DIXDC1: variants seen among roughly 807,000 people sequenced by gnomAD.
DIXDC1 encodes DIX domain containing 1.
DIXDC1 carries 64 observed loss-of-function variants against 103.1 expected under a neutral mutation model. The observed-to-expected ratio is 0.62, with a 90% CI of 0.51 to 0.76. The LOEUF is 0.76. Among genes scored for constraint, DIXDC1 ranks in the 30% least tolerant of loss-of-function variants. DIXDC1 has a pLI of 0.00. For missense variants in DIXDC1, 759 were observed against 834.2 expected (o/e 0.91, Z 1.11); for synonymous variants, 266 against 298.5 (o/e 0.89, Z 1.12).
intron 7 of DIXDC1, among the ~76,000 whole-genome samples, chr11:111,983,457 G>A (rs781789329): frequency 1.3e-5 from 2 of 152,136 alleles, no homozygotes; most frequent in Non-Finnish European, 1.5e-5. Context: ...AAAGTTGTTG[G>A]TTTTCCTTCA....
intron 17 of DIXDC1, among the ~76,000 whole-genome samples, chr11:112,010,083 C>CCTT (rs202204694): frequency 0.5 from 76,402 of 151,626 alleles, 21,574 homozygotes; most frequent in African/African-American, 0.78. Context: ...CCCAAAATCT[C>CCTT]AAGCTGATAA....
In DIXDC1 at chr11:111,982,479, G is replaced by A; in HGVS notation, c.910G>A (p.Gly304Arg). 2 of 1,613,098 alleles carry A rather than the reference G, an allele frequency of 1.2e-6. No individual in the cohort carries two copies. The highest frequency in any genetic ancestry group is 1.7e-6 in the Non-Finnish European group (2 of 1,179,522). ...GGAGGAAGCAAAGAAAATGATATCAGGACTACAGGTAGCTCTCTCCCTTGT... is the reference window on the plus strand; with the variant it reads ...GGAGGAAGCAAAGAAAATGATATCAAGACTACAGGTAGCTCTCTCCCTTGT... Reference protein sequence around the residue: ...EMEEAKKMISGLQALLLNGSL... With the variant: ...EMEEAKKMISRLQALLLNGSL... The change falls in exon 7 of 20, where the codon GGA becomes AGA. Residue 304 changes from glycine to arginine, a missense_variant. Physicochemically the swap from Gly to Arg is moderately radical, Grantham distance 125. Transcript: ENST00000440460.
intron 10 of DIXDC1, among the ~76,000 whole-genome samples, chr11:111,990,193 C>T (rs1179636279): frequency 4.6e-5 from 7 of 151,412 alleles, no homozygotes; most frequent in South Asian, 4.2e-4. Flanking sequence ...TGGGTTCAAG[C>T]GATTCTCCTG....
At position 111,982,400 on chromosome 11, in the gene DIXDC1, G is replaced by A. The variant is rs201833568; in HGVS notation, c.831G>A (p.Glu277=). The A allele has an allele frequency of 1.1e-4, 173 of 1,613,850 alleles. 1 individual carries two copies. The highest frequency in any genetic ancestry group is 1.6e-4 in the Middle Eastern group (1 of 6,084). The change falls in exon 7 of 20, where the codon GAG becomes GAA. Residue 277 remains glutamate (E), a synonymous_variant. Coordinates refer to ENST00000440460, the MANE Select transcript of DIXDC1 (RefSeq NM_001037954.4). ...WRPGSPGTYL[E]TSWEEQLLEQ... is the part of the protein sequence containing the mutation. The stretch of plus-strand genomic sequence containing the variant: ...CAGGGAGCCCTGGAACCTATCTGGA[G>A]ACCTCATGGGAAGAACAGCTGTTGG...
intron 17 of DIXDC1, among the ~76,000 whole-genome samples, chr11:112,010,477 AAG>A (rs1861381124): frequency 6.6e-6 from 1 of 152,262 alleles, no homozygotes; most frequent in African/African-American, 2.4e-5. Flanking sequence ...GGAACCAAAA[AAG>A]AGCCCACATT....
rs781787408 is a variant in DIXDC1, at chr11:111,974,208, C to G, written c.502C>G (p.His168Asp). 1 of 1,613,902 alleles carries G rather than the reference C, an allele frequency of 6.2e-7. No individual in the cohort carries two copies. ...GAAAALADVCHDMSRSGRDVF... is the reference protein window; with the variant it reads ...GAAAALADVCDDMSRSGRDVF... Reference sequence around the variant, plus strand: ...AGCTGCTGCTCTGGCCGATGTGTGTCATGACATGTCCCGATCAGGACGGGA... The same window carrying G: ...AGCTGCTGCTCTGGCCGATGTGTGTGATGACATGTCCCGATCAGGACGGGA... The change falls in exon 4 of 20, where the codon CAT (histidine) becomes GAT (aspartate). Residue 168 changes from histidine to aspartate, a missense_variant. His to Asp is a moderately conservative substitution (Grantham distance 81, BLOSUM62 -1). This residue lies in a region of DIXDC1 where 657 missense variants were observed against 727.5 expected (regional missense o/e 0.90). Transcript: ENST00000440460.
rs1488184534 is a variant in DIXDC1 at position 112,019,207 on chromosome 11, T to C, written c.*171T>C. ...CAGTCCTCTTTCTGTGCCTGGCATA[T>C]CTGGTACTTAAAATTCTGTCCAAAT... On this transcript the variant is annotated 3_prime_UTR_variant, in exon 20 of 20. Coordinates refer to ENST00000440460, the MANE Select transcript of DIXDC1 (RefSeq NM_001037954.4). 7.6e-6 allele frequency: 4 copies of C among 528,514 alleles called. No individual in the cohort carries two copies. The highest frequency in any genetic ancestry group is 1.4e-5 in the Non-Finnish European group (4 of 292,378). The allele number at this position is 528,514 out of a possible 1,614,324, so 32.7% of individuals were successfully genotyped here. A position where few individuals can be genotyped will look rare whatever the true frequency, so the allele number is the denominator to read the frequency against.
At chr11:111,989,493 A>C (rs1860619849) in intron 10 of DIXDC1, among the ~76,000 whole-genome samples, 1 of 151,410 alleles carries the variant, frequency 6.6e-6, no homozygotes, top group South Asian at 2.1e-4. Context: ...GCGTGGTGGC[A>C]GGCACCTGTA....
At chr11:112,014,508 G>T (rs936010417) in intron 17 of DIXDC1, among the ~76,000 whole-genome samples, 1 of 152,068 alleles carries the variant, frequency 6.6e-6, no homozygotes, top group African/African-American at 2.4e-5. Flanking sequence ...TTTTTAAAAG[G>T]TGCTTTTAAA....
chr11:112,017,298 T>C lies in DIXDC1; in HGVS notation c.1863-479T>C, dbSNP rs1248024460. ...ATATTTAAACTCTGCAACCAACTAT[T>C]GAGAGAGGTTATAGGATTTTTCTTA... On this transcript the variant is annotated intron_variant, in intron 18 of 19. Transcript: ENST00000440460. The surrounding 1 kb of genome is among the most constrained non-coding windows in gnomAD (Gnocchi z 4.0). Among the ~76,000 whole-genome samples, 1 of 152,138 alleles carries C rather than the reference T, an allele frequency of 6.6e-6. No individual in the cohort carries two copies. Among genetic ancestry groups the C allele is most frequent in the Non-Finnish European group, 1.5e-5 (1 of 68,014 alleles).
rs587639947 is a variant in DIXDC1, at chr11:112,020,863, A to T, written c.*1827A>T. On this transcript the variant is annotated 3_prime_UTR_variant, in exon 20 of 20. Coordinates refer to ENST00000440460, the MANE Select transcript of DIXDC1 (RefSeq NM_001037954.4). ...ACTGGGAAAGTTTGGGAAAGTCAGC[A>T]AAAGAAAGAATGCATTTCGAAAGCA... The T allele has an allele frequency of 5.9e-5, 9 of 152,378 alleles. No homozygotes were observed. In the South Asian group the frequency reaches 1.9e-3, roughly 32 times the overall value. The allele number at this position is 152,378 out of a possible 1,614,324, so 9.4% of individuals were successfully genotyped here.
chr11:112,004,094 ATATATGTGTGTG>A (rs1555176332), intron 17 of DIXDC1, among the ~76,000 whole-genome samples: 1 of 149,102 alleles, frequency 6.7e-6, no homozygotes, highest in African/African-American at 2.5e-5. Context: ...ATATGTGTAT[ATATATGTGTGTG>A]TATATGTGTA....
intron 3 of DIXDC1, among the ~76,000 whole-genome samples, chr11:111,969,958 C>T (rs942894032): frequency 6.6e-6 from 1 of 152,140 alleles, no homozygotes; most frequent in African/African-American, 2.4e-5. Flanking sequence ...GATTCTATAC[C>T]TAGAAAACCC....
chr11:112,017,880 G>C lies in DIXDC1; in HGVS notation c.1966G>C (p.Glu656Gln), dbSNP rs1555177943. 1.2e-6 allele frequency: 2 copies of C among 1,606,596 alleles called. No individual in the cohort carries two copies. Among genetic ancestry groups the C allele is most frequent in the Non-Finnish European group, 1.7e-6 (2 of 1,175,904 alleles). ...ALDPEFGTVKEEIFHDDDAIP... is the reference protein window; with the variant it reads ...ALDPEFGTVKQEIFHDDDAIP... Reference sequence around the variant, plus strand: ...GGATCCTGAGTTTGGCACTGTCAAAGAGGAGGTAAAGAATCTGTGGGGAGT... The same window carrying C: ...GGATCCTGAGTTTGGCACTGTCAAACAGGAGGTAAAGAATCTGTGGGGAGT... Residue 656 changes from glutamate (E) to glutamine (Q), a missense_variant, in exon 19 of 20, where the codon GAG (glutamate) becomes CAG (glutamine). This residue lies in a region of DIXDC1 where 657 missense variants were observed against 727.5 expected (regional missense o/e 0.90). Transcript: ENST00000440460. The surrounding 1 kb of genome is among the most constrained non-coding windows in gnomAD (Gnocchi z 4.0).
intron 14 of DIXDC1, 143 bp from the exon 15 acceptor site, chr11:111,994,876 A>G (rs967002369): frequency 5.4e-5 from 42 of 778,282 alleles, no homozygotes; most frequent in Non-Finnish European, 8.2e-5. Flanking sequence ...TACTTAAGAA[A>G]GATACATTCT....
intron 19 of DIXDC1, 146 bp from the exon 20 acceptor site, chr11:112,018,810 C>T (rs782335683): frequency 1.3e-4 from 68 of 525,008 alleles, no homozygotes; most frequent in Non-Finnish European, 2.0e-4. Flanking sequence ...ATATCAGTTG[C>T]AGTTCTAGGG....
At chr11:111,944,340 C>T (rs1555169173) in intron 1 of DIXDC1, among the ~76,000 whole-genome samples, 1 of 152,146 alleles carries the variant, frequency 6.6e-6, no homozygotes, top group East Asian at 1.9e-4. Context: ...TTGGCTGTTT[C>T]TGCTCTAAGA....
chr11:112,008,608 C>G (rs2137624865), intron 17 of DIXDC1, among the ~76,000 whole-genome samples: 1 of 152,352 alleles, frequency 6.6e-6, no homozygotes, highest in African/African-American at 2.4e-5. Flanking sequence ...CAAACTGTCT[C>G]TCAGACCACA....
At position 111,977,164 on chromosome 11, in the gene DIXDC1, A is replaced by AAC; in HGVS notation, c.656+2181_656+2182insAC. 1 of 504,174 alleles carries AAC rather than the reference A, an allele frequency of 2.0e-6. No individual in the cohort carries two copies. The highest frequency in any genetic ancestry group is 2.5e-6 in the Non-Finnish European group (1 of 397,198). The allele number at this position is 504,174 out of a possible 1,614,324, so 31.2% of individuals were successfully genotyped here. ...CGTCGACGTCCCCACCCCCACCTCC[A>AAC]CCCCGCCCAGCCCCGCCCCTGGCCC... is the stretch of plus-strand genomic sequence containing the variant. On this transcript the variant is annotated intron_variant, in intron 5 of 19. Transcript: ENST00000440460. This position sits in a 1 kb window ranked among gnomAD's most constrained non-coding sequence, Gnocchi z 6.1.
Sources: gnomAD v4.1 joint callset for allele counts (sites outside exome capture counted in the v4.1 genomes callset) on GRCh38, gnomAD v4.1.1 for gene constraint, gnomAD v4.1.1 regional missense constraint, Gnocchi (gnomAD v3.1) non-coding constraint, MANE v1.5 for transcripts, NCBI Gene and HGNC (gene_info 2026-07-23, HGNC 2026-07-21) for gene names.